Variants in ASTN2 observed in about 807,000 individuals in gnomAD.
ASTN2 encodes the protein astrotactin 2.
ASTN2 carries 54 observed loss-of-function variants against 139.8 expected under a neutral mutation model. That is an observed-to-expected ratio of 0.39 (90% CI 0.31 to 0.48). The LOEUF (loss-of-function observed/expected upper bound fraction) is 0.48, where lower values mean the gene tolerates loss of function less well. Ranked by LOEUF, ASTN2 falls within the 20% of genes least tolerant of loss-of-function variation. The pLI is 0.95. For missense variants in ASTN2, 1,565 were observed against 1,725.1 expected, an observed-to-expected ratio of 0.91 and a Z score of 1.64; for synonymous variants, 756 against 719.5, an observed-to-expected ratio of 1.05 and a Z score of -0.81.
chr9:117,166,794 C>T (rs1374299485), intron 3 of ASTN2, among the ~76,000 whole-genome samples: 2 of 152,100 alleles, frequency 1.3e-5, no homozygotes, highest in African/African-American at 4.8e-5. Context: ...TCCCCATAGA[C>T]TGCAAACTCC....
intron 2 of ASTN2, 71 bp from the exon 3 acceptor site, chr9:117,214,813 T>C: frequency 7.2e-7 from 1 of 1,392,666 alleles, no homozygotes; most frequent in South Asian, 1.9e-5. Flanking sequence ...GGGATTTTCC[T>C]GTCCACTACA....
rs530859799 is a variant in ASTN2, at chr9:116,693,101, G to A, written c.2806+32670C>T. Among the ~76,000 whole-genome samples the A allele has an allele frequency of 2.6e-4, 40 of 152,150 alleles. 4 individuals are homozygous for A. The South Asian group carries it at 7.7e-3, about 29-fold the overall frequency. ...AAAATGTAGTTTGTAAACTGAATGC[G>A]TTATTAATACTAGTACTAGTTATTG... On this transcript the variant is annotated intron_variant, in intron 16 of 22. Coordinates refer to ENST00000313400, the MANE Select transcript of ASTN2 (RefSeq NM_001365068.1).
intron 17 of ASTN2, among the ~76,000 whole-genome samples, chr9:116,623,343 C>T (rs2131837264): frequency 6.6e-6 from 1 of 152,200 alleles, no homozygotes. Flanking sequence ...TGGCTCTTTC[C>T]CAAAACCCCG....
At chr9:116,711,684 G>A (rs1828166822) in intron 16 of ASTN2, among the ~76,000 whole-genome samples, 1 of 152,000 alleles carries the variant, frequency 6.6e-6, no homozygotes, top group South Asian at 2.1e-4. Flanking sequence ...AGTCACTCAG[G>A]CCCTTAAGTC....
At chr9:116,840,350 G>A (rs1832174497) in intron 11 of ASTN2, among the ~76,000 whole-genome samples, 1 of 150,980 alleles carries the variant, frequency 6.6e-6, no homozygotes, top group Admixed American at 6.6e-5. Context: ...ATTCCACAAA[G>A]CCGCGATTGT....
chr9:117,302,098 A>AGGGGGGGGGGGG (rs371598538), intron 1 of ASTN2, among the ~76,000 whole-genome samples: 3 of 31,462 alleles, frequency 9.5e-5, no homozygotes, highest in Non-Finnish European at 1.9e-4. Context: ...TGGGGGTGGG[A>AGGGGGGGGGGGG]GGGGGGGTGA....
intron 5 of ASTN2, among the ~76,000 whole-genome samples, chr9:117,055,867 G>T (rs1839045075): frequency 6.6e-6 from 1 of 152,226 alleles, no homozygotes; most frequent in Non-Finnish European, 1.5e-5. Flanking sequence ...AATGCAAGAA[G>T]GTAAATGTTA....
chr9:117,305,308 C>G (rs1296210898), intron 1 of ASTN2, among the ~76,000 whole-genome samples: 4 of 152,178 alleles, frequency 2.6e-5, no homozygotes, highest in African/African-American at 9.7e-5. Context: ...CCAGAAAGAA[C>G]TTTAAATAGA....
intron 13 of ASTN2, among the ~76,000 whole-genome samples, chr9:116,775,569 G>A (rs1430564811): frequency 2.0e-5 from 2 of 98,678 alleles, no homozygotes; most frequent in South Asian, 5.0e-4. Flanking sequence ...GGAAGGGAGG[G>A]AAGGGAGGAG....
intron 10 of ASTN2, among the ~76,000 whole-genome samples, chr9:116,905,815 C>T (rs1834139765): frequency 7.0e-6 from 1 of 142,058 alleles, no homozygotes; most frequent in Non-Finnish European, 1.5e-5. Context: ...CTCAGGGCAC[C>T]CAGATACACA....
At chr9:116,602,269 G>A (rs1471306060) in intron 19 of ASTN2, among the ~76,000 whole-genome samples, 1 of 152,168 alleles carries the variant, frequency 6.6e-6, no homozygotes, top group African/African-American at 2.4e-5. Flanking sequence ...TTTCAAAGGT[G>A]TGTTTATAAA....
At chr9:117,194,954 C>CCATT (rs61477567) in intron 3 of ASTN2, among the ~76,000 whole-genome samples, 250 of 151,446 alleles carry the variant, frequency 1.7e-3, no homozygotes, top group Middle Eastern at 3.4e-3. Context: ...ATCCATCAGT[C>CCATT]CATTCATTCA....
At chr9:117,001,702 G>A (rs912770014) in intron 7 of ASTN2, among the ~76,000 whole-genome samples, 4 of 152,138 alleles carry the variant, frequency 2.6e-5, no homozygotes, top group African/African-American at 7.2e-5. Flanking sequence ...ACAAAGCTGA[G>A]CTGAAAGGTC....
chr9:116,501,165 C>G (rs2119137456), intron 19 of ASTN2, among the ~76,000 whole-genome samples: 1 of 152,308 alleles, frequency 6.6e-6, no homozygotes, highest in Middle Eastern at 3.4e-3. Flanking sequence ...CCAAGTCTGA[C>G]CAGGACTCCC....
intron 16 of ASTN2, among the ~76,000 whole-genome samples, chr9:116,685,481 ACTC>A (rs1395827948): frequency 6.6e-6 from 1 of 152,102 alleles, no homozygotes; most frequent in African/African-American, 2.4e-5. Flanking sequence ...GGCAAGGTAA[ACTC>A]CTCAGGTGGT....
intron 10 of ASTN2, among the ~76,000 whole-genome samples, chr9:116,918,152 T>A (rs1318575318): frequency 6.6e-6 from 1 of 152,196 alleles, no homozygotes; most frequent in Non-Finnish European, 1.5e-5. Context: ...GTAAGTCCAA[T>A]TAAACCTCTT....
At chr9:117,091,196 G>A (rs1190916479) in intron 5 of ASTN2, among the ~76,000 whole-genome samples, 1 of 152,202 alleles carries the variant, frequency 6.6e-6, no homozygotes, top group Non-Finnish European at 1.5e-5. Context: ...AGAGGTGGCA[G>A]ACAGAAAATC....
intron 2 of ASTN2, among the ~76,000 whole-genome samples, chr9:117,228,487 G>A (rs902088818): frequency 3.3e-5 from 5 of 151,994 alleles, no homozygotes; most frequent in African/African-American, 4.8e-5. Flanking sequence ...CTCCCCTACC[G>A]GGCTAGATCA....
rs75043621 is a variant in ASTN2 at position 116,645,983 on chromosome 9, G to A, written c.3072+5545C>T. 3.4e-3 allele frequency among the ~76,000 whole-genome samples: 522 copies of A among 152,252 alleles called. 2 individuals are homozygous for A. The highest frequency in any genetic ancestry group is 5.2e-3 in the Non-Finnish European group (353 of 68,014). ...CTTATCACTATCATAGATAACATTCGTCTGTTAAGTGATTTCTTCTTGGAC... is the reference window on the plus strand; with the variant it reads ...CTTATCACTATCATAGATAACATTCATCTGTTAAGTGATTTCTTCTTGGAC... On this transcript the variant is annotated intron_variant, in intron 17 of 22. Transcript: ENST00000313400.
Sources: allele counts gnomAD v4.1 joint callset (sites outside exome capture counted in the v4.1 genomes callset), GRCh38; gene constraint gnomAD v4.1.1; transcripts MANE v1.5; gene names NCBI Gene and HGNC (gene_info 2026-07-23, HGNC 2026-07-21).